FOCAD: variants seen among roughly 807,000 people sequenced by gnomAD.
FOCAD encodes the protein focadhesin.
A neutral mutation model predicts 225.6 loss-of-function variants in FOCAD; 198 were observed. The observed-to-expected ratio is 0.88, with a 90% CI of 0.78 to 0.99. FOCAD has a LOEUF of 0.99. Ranked by LOEUF, FOCAD falls within the 50% of genes least tolerant of loss-of-function variation. The pLI is 0.00. For synonymous variants in FOCAD, 897 were observed against 755.0 expected (o/e 1.19, Z -3.08); for missense variants, 2,713 against 2,123.6 (o/e 1.28, Z -5.46).
chr9:20,883,666 G>A (rs934825362), intron 20 of FOCAD, among the ~76,000 whole-genome samples: 1 of 152,160 alleles, frequency 6.6e-6, no homozygotes, highest in East Asian at 1.9e-4. Context: ...TCAGAGAAAA[G>A]AATCAAAATG....
At chr9:20,897,337 C>G (rs755877925) in intron 21 of FOCAD, among the ~76,000 whole-genome samples, 1 of 150,836 alleles carries the variant, frequency 6.6e-6, no homozygotes, top group Non-Finnish European at 1.5e-5. Flanking sequence ...GGTTTTTGAT[C>G]TACTTTGACA....
chr9:20,939,079 G>A (rs919439623), intron 28 of FOCAD, among the ~76,000 whole-genome samples: 1 of 144,506 alleles, frequency 6.9e-6, no homozygotes, highest in Admixed American at 7.1e-5. Flanking sequence ...GAACCCGGGA[G>A]GCGGAGCTTG....
chr9:20,944,672 C>G lies in FOCAD; in HGVS notation c.3453C>G (p.Ser1151Arg), dbSNP rs1837004310. 6.2e-7 allele frequency: 1 copy of G among 1,614,114 alleles called. No individual in the cohort carries two copies. The highest frequency in any genetic ancestry group is 2.2e-5 in the East Asian group (1 of 44,884). ...TTGGACTTGTTCTGTCCCTCATGAG[C>G]CACAGCAGCCAAATGCAGTCCCGCG... Reference protein sequence around the residue: ...LGVGLVLSLMSHSSQMQSRVH... With the variant: ...LGVGLVLSLMRHSSQMQSRVH... The change falls in exon 29 of 44, where the codon AGC (serine) becomes AGG (arginine). Residue 1151 changes from serine to arginine, a missense_variant. Coordinates refer to ENST00000338382, the MANE Select transcript of FOCAD (RefSeq NM_001375567.1).
At chr9:20,833,738 C>T (rs977657825) in intron 15 of FOCAD, among the ~76,000 whole-genome samples, 2 of 152,008 alleles carry the variant, frequency 1.3e-5, no homozygotes, top group Admixed American at 1.3e-4. Context: ...TCACAAACTG[C>T]TCTTCAAAAA....
At chr9:20,669,124 C>T (rs1328325097) in intron 2 of FOCAD, among the ~76,000 whole-genome samples, 2 of 152,088 alleles carry the variant, frequency 1.3e-5, no homozygotes, top group African/African-American at 2.4e-5. Flanking sequence ...TGTGCTTCAC[C>T]AAGGACCATA....
upstream of FOCAD, among the ~76,000 whole-genome samples, chr9:20,656,705 C>T (rs1333608548): frequency 2.0e-5 from 3 of 152,074 alleles, no homozygotes; most frequent in African/African-American, 7.2e-5. Flanking sequence ...GAATACAGCA[C>T]ACTGATGGGT....
intron 11 of FOCAD, among the ~76,000 whole-genome samples, chr9:20,810,863 A>C (rs1198255942): frequency 6.6e-6 from 1 of 152,008 alleles, no homozygotes; most frequent in South Asian, 2.1e-4. Context: ...AGTCTGCAGT[A>C]TTTCCTGTGT....
At chr9:20,695,119 G>A (rs1016846915) in intron 1 of FOCAD, among the ~76,000 whole-genome samples, 4 of 152,136 alleles carry the variant, frequency 2.6e-5, no homozygotes, top group Admixed American at 2.6e-4. Flanking sequence ...CCTGGAAGAG[G>A]TACCTTGTTC....
At chr9:20,732,219 A>G (rs554943112) in intron 4 of FOCAD, among the ~76,000 whole-genome samples, 1 of 152,318 alleles carries the variant, frequency 6.6e-6, no homozygotes, top group East Asian at 1.9e-4. Context: ...GATTGCCATA[A>G]TTGCCTAGTT....
intron 8 of FOCAD, among the ~76,000 whole-genome samples, chr9:20,771,229 G>A (rs1175169445): frequency 6.6e-6 from 1 of 152,194 alleles, no homozygotes; most frequent in Non-Finnish European, 1.5e-5. Flanking sequence ...GAAGGATTAA[G>A]CTGTGGCAAA....
intron 5 of FOCAD, 116 bp downstream of exon 5, chr9:20,740,456 G>C: frequency 7.1e-6 from 4 of 560,040 alleles, no homozygotes; most frequent in Non-Finnish European, 6.2e-6. Context: ...TATGCACACA[G>C]TGATTGTGGG....
Position 20,862,625 on chromosome 9 carries a change from T to A in FOCAD, c.1968T>A (p.Ser656Arg). Residue 656 changes from serine (S) to arginine (R), a missense_variant, in exon 16 of 44, where the codon AGT becomes AGA. By Grantham distance (110) the Ser-to-Arg change is moderately radical. Transcript: ENST00000338382. ...GGAATGCTCTCTCTCCAAAGCTGAG[T>A]TGTGACACAAGACCTCTCATTCTGA... ...STWNALSPKL[S>R]CDTRPLILKT... The A allele has an allele frequency of 6.2e-7, 1 of 1,613,662 alleles. No individual in the cohort carries two copies. The highest frequency in any genetic ancestry group is 1.1e-5 in the South Asian group (1 of 91,024).
In FOCAD at chr9:20,944,605, C is replaced by T. The variant is rs765622439; in HGVS notation, c.3408-22C>T. 6.2e-6 allele frequency: 10 copies of T among 1,606,498 alleles called. No homozygotes were observed. The South Asian group carries it at 1.0e-4, about 16-fold the overall frequency. On this transcript the variant is annotated intron_variant, in intron 28 of 43. Transcript: ENST00000338382. ...TGTGGATTTCTTATGATCCTAACAT[C>T]TTATCTTTTTTGGCTTCCAAGCACG... is the stretch of plus-strand genomic sequence containing the variant.
At chr9:20,763,878 G>T (rs114127507) in intron 6 of FOCAD, among the ~76,000 whole-genome samples, 1 of 152,270 alleles carries the variant, frequency 6.6e-6, no homozygotes, top group African/African-American at 2.4e-5. Context: ...TTTGGACTAG[G>T]AGTTTTCAGG....
chr9:20,904,346 A>G (rs774430419), intron 21 of FOCAD, among the ~76,000 whole-genome samples: 1 of 151,946 alleles, frequency 6.6e-6, no homozygotes, highest in Admixed American at 6.6e-5. Flanking sequence ...AGTGTTTTCC[A>G]TACCAGCTGA....
chr9:20,899,688 T>A (rs1333461998), intron 21 of FOCAD, among the ~76,000 whole-genome samples: 1 of 152,036 alleles, frequency 6.6e-6, no homozygotes, highest in East Asian at 1.9e-4. Flanking sequence ...ACATGGTTGC[T>A]AAACTAAGTA....
At chr9:20,917,239 G>C (rs1833949153) in intron 24 of FOCAD, among the ~76,000 whole-genome samples, 1 of 151,370 alleles carries the variant, frequency 6.6e-6, no homozygotes, top group Non-Finnish European at 1.5e-5. Flanking sequence ...TTAAAGGATT[G>C]TAATTTAGTT....
chr9:20,914,772 A>T (rs780626992), intron 23 of FOCAD, among the ~76,000 whole-genome samples: 21 of 152,254 alleles, frequency 1.4e-4, no homozygotes, highest in Non-Finnish European at 2.2e-4. Flanking sequence ...TTAATCACAG[A>T]ATCTGACTCA....
At chr9:20,765,102 T>C (rs567596434) in intron 7 of FOCAD, 29 bp downstream of exon 7, 95 of 1,574,366 alleles carry the variant, frequency 6.0e-5, no homozygotes, top group Middle Eastern at 1.7e-4. Context: ...TCCACAAATA[T>C]AGGTCAGCAT....
Sources: gnomAD v4.1 joint callset for allele counts (sites outside exome capture counted in the v4.1 genomes callset) on GRCh38, gnomAD v4.1.1 for gene constraint, MANE v1.5 for transcripts, NCBI Gene and HGNC (gene_info 2026-07-23, HGNC 2026-07-21) for gene names.